CDH4: variants seen among roughly 807,000 people sequenced by gnomAD.
CDH4 encodes the protein cadherin-4.
In CDH4, 33 loss-of-function variants were observed where a neutral mutation model predicts 86.0. That is an observed-to-expected ratio of 0.38 (90% CI 0.29 to 0.51). CDH4 has a LOEUF of 0.51. Among genes scored for constraint, CDH4 ranks in the 20% least tolerant of loss-of-function variants. The pLI, the probability that CDH4 is intolerant of heterozygous loss-of-function variation, is 0.86. For synonymous variants in CDH4, 555 were observed against 549.4 expected (o/e 1.01, Z -0.14); for missense variants, 1,114 against 1,307.4 (o/e 0.85, Z 2.28).
At chr20:61,639,045 G>C (rs149391139) in intron 2 of CDH4, among the ~76,000 whole-genome samples, 2 of 152,194 alleles carry the variant, frequency 1.3e-5, no homozygotes, top group Non-Finnish European at 2.9e-5. Context: ...TATTACTGCC[G>C]GTAGAATGAA....
chr20:61,352,356 T>C (rs2084717830), intron 2 of CDH4, among the ~76,000 whole-genome samples: 1 of 152,248 alleles, frequency 6.6e-6, no homozygotes, highest in African/African-American at 2.4e-5. Flanking sequence ...AAAATTTATT[T>C]AGTCATTTTT....
intron 4 of CDH4, among the ~76,000 whole-genome samples, chr20:61,777,759 C>G (rs60762900): frequency 1.4e-5 from 1 of 72,976 alleles, no homozygotes. Context: ...CACATGCGCA[C>G]ACACGTGCAT....
chr20:61,651,411 G>A (rs937903013), intron 2 of CDH4, among the ~76,000 whole-genome samples: 3 of 152,226 alleles, frequency 2.0e-5, no homozygotes, highest in Non-Finnish European at 4.4e-5. Flanking sequence ...GGGGCCTCCC[G>A]GGAGCACCCT....
intron 4 of CDH4, among the ~76,000 whole-genome samples, chr20:61,804,386 G>A (rs541629019): frequency 7.2e-5 from 11 of 152,346 alleles, no homozygotes; most frequent in Admixed American, 6.5e-4. Context: ...TGTCCATGCT[G>A]TCTGACCACC....
At chr20:61,462,161 A>G (rs2085447445) in intron 2 of CDH4, among the ~76,000 whole-genome samples, 2 of 152,208 alleles carry the variant, frequency 1.3e-5, no homozygotes, top group African/African-American at 4.8e-5. Context: ...ATGCATGGTA[A>G]GAAGGGTATT....
In CDH4 at chr20:61,811,318, C is replaced by T. The variant is rs943157968; in HGVS notation, c.577-33350C>T. Among the ~76,000 whole-genome samples the T allele has an allele frequency of 5.9e-5, 9 of 152,218 alleles. No homozygotes were observed. The highest frequency in any genetic ancestry group is 2.2e-4 in the African/African-American group (9 of 41,446). On this transcript the variant is annotated intron_variant, in intron 4 of 15. Transcript: ENST00000614565. This position sits in a 1 kb window ranked among gnomAD's most constrained non-coding sequence, Gnocchi z 4.4. ...CACATGCCGGCAGCCCAAGACCGCCCTCATCGGGGGTGGGAATGAAATGCC... is the reference window on the plus strand; with the variant it reads ...CACATGCCGGCAGCCCAAGACCGCCTTCATCGGGGGTGGGAATGAAATGCC...
At position 61,703,445 on chromosome 20, in the gene CDH4, T is replaced by C. The variant is rs576554441; in HGVS notation, c.170-40118T>C. 6.6e-6 allele frequency among the ~76,000 whole-genome samples: 1 copy of C among 152,266 alleles called. No homozygotes were observed. The highest frequency in any genetic ancestry group is 1.5e-5 in the Non-Finnish European group (1 of 68,014). On this transcript the variant is annotated intron_variant, in intron 2 of 15. Coordinates refer to ENST00000614565, the MANE Select transcript of CDH4 (RefSeq NM_001794.5). This position sits in a 1 kb window ranked among gnomAD's most constrained non-coding sequence, Gnocchi z 4.3. Reference sequence around the variant, plus strand: ...TAAGGAGGGGACAGTGTGGCTGGGATATGGGCGGCCTTGCATTTGCAGAGT... The same window carrying C: ...TAAGGAGGGGACAGTGTGGCTGGGACATGGGCGGCCTTGCATTTGCAGAGT...
At chr20:61,886,194 G>A (rs1450855954) in intron 7 of CDH4, among the ~76,000 whole-genome samples, 1 of 152,226 alleles carries the variant, frequency 6.6e-6, no homozygotes, top group Non-Finnish European at 1.5e-5. Context: ...GCAGCATCCA[G>A]GAGAACTTCA....
Position 61,867,339 on chromosome 20 carries a change from C to G in CDH4, c.878-6389C>G, listed in dbSNP as rs189502660. Among the ~76,000 whole-genome samples the G allele has an allele frequency of 2.0e-5, 3 of 152,304 alleles. No homozygotes were observed. The East Asian group carries it at 5.8e-4, about 29-fold the overall frequency. On this transcript the variant is annotated intron_variant, in intron 6 of 15. Transcript: ENST00000614565. The stretch of plus-strand genomic sequence containing the variant: ...CCAAGGCAGGTGGATCACCTAAGCT[C>G]AGGAGTTCAAGACCAGCCTGACCAA...
chr20:61,641,952 T>A (rs12624574), intron 2 of CDH4, among the ~76,000 whole-genome samples: 3 of 572 alleles, frequency 5.2e-3, no homozygotes, highest in Admixed American at 8.3e-3. Context: ...CCCACCAGGC[T>A]CCACAGCACC....
At chr20:61,628,017 C>A (rs1399315659) in intron 2 of CDH4, among the ~76,000 whole-genome samples, 1 of 152,176 alleles carries the variant, frequency 6.6e-6, no homozygotes, top group Admixed American at 6.5e-5. Context: ...ACGTGCCCCA[C>A]CAGGAATTCC....
At chr20:61,714,897 G>C (rs925868457) in intron 2 of CDH4, among the ~76,000 whole-genome samples, 1 of 152,182 alleles carries the variant, frequency 6.6e-6, no homozygotes, top group Non-Finnish European at 1.5e-5. Flanking sequence ...TTTTGATGCG[G>C]TGACGTCTTT....
intron 2 of CDH4, among the ~76,000 whole-genome samples, chr20:61,444,333 TTCTCTG>T (rs2085332306): frequency 7.0e-4 from 8 of 11,422 alleles, no homozygotes; most frequent in South Asian, 2.8e-3. Flanking sequence ...GCACGTGTGT[TTCTCTG>T]TGTGTGTCTG....
chr20:61,305,545 C>G (rs1455780665), intron 2 of CDH4, among the ~76,000 whole-genome samples: 1 of 152,240 alleles, frequency 6.6e-6, no homozygotes, highest in Non-Finnish European at 1.5e-5. Context: ...GGACCAATTC[C>G]TAAGTTATTA....
chr20:61,628,236 A>G (rs892947026), intron 2 of CDH4, among the ~76,000 whole-genome samples: 4 of 151,992 alleles, frequency 2.6e-5, no homozygotes, highest in Non-Finnish European at 4.4e-5. Flanking sequence ...CTGAAAACAC[A>G]CACAGGTGCT....
intron 7 of CDH4, among the ~76,000 whole-genome samples, chr20:61,884,548 TG>T (rs1397402322): frequency 6.6e-6 from 1 of 151,880 alleles, no homozygotes; most frequent in African/African-American, 2.4e-5. Context: ...TGAGCAGGGG[TG>T]ATCTCTCGGT....
intron 2 of CDH4, among the ~76,000 whole-genome samples, chr20:61,447,323 A>ATTTTTTTTTT (rs71331923): frequency 0.014 from 1,514 of 110,452 alleles, no homozygotes; most frequent in East Asian, 0.029. Context: ...CGCCCAGCTG[A>ATTTTTTTTTT]TTTTTTTTTT....
rs114124262 is a variant in CDH4 at position 61,657,108 on chromosome 20, C to T, written c.170-86455C>T. Among the ~76,000 whole-genome samples the T allele has an allele frequency of 3.6e-3, 556 of 152,364 alleles. 3 individuals carry two copies. The highest frequency in any genetic ancestry group is 0.011 in the African/African-American group (471 of 41,586). On this transcript the variant is annotated intron_variant, in intron 2 of 15. Coordinates refer to ENST00000614565, the MANE Select transcript of CDH4 (RefSeq NM_001794.5). ...ATCTAATGACTGGGCTTATGCCAAA[C>T]GCACGCTCAGTCCTTTAGGGTCCAC...
intron 4 of CDH4, among the ~76,000 whole-genome samples, chr20:61,796,442 C>T (rs1050211473): frequency 2.0e-5 from 3 of 152,184 alleles, no homozygotes; most frequent in Non-Finnish European, 2.9e-5. Flanking sequence ...CCCAGCCCCG[C>T]GTCCTACAGC....
Sources: gnomAD v4.1 joint callset for allele counts (sites outside exome capture counted in the v4.1 genomes callset) on GRCh38, gnomAD v4.1.1 for gene constraint, Gnocchi (gnomAD v3.1) non-coding constraint, MANE v1.5 for transcripts, NCBI Gene and HGNC (gene_info 2026-07-23, HGNC 2026-07-21) for gene names.